Variants in TASP1 observed in about 807,000 individuals in gnomAD.
TASP1 encodes the protein threonine aspartase 1.
TASP1 carries 16 observed loss-of-function variants against 56.6 expected under a neutral mutation model. The observed-to-expected ratio is 0.28, with a 90% CI of 0.19 to 0.43. TASP1 has a LOEUF of 0.43. Ranked by LOEUF, TASP1 falls within the 20% of genes least tolerant of loss-of-function variation. The pLI is 1.00. For missense variants in TASP1, 393 were observed against 511.6 expected, an observed-to-expected ratio of 0.77 and a Z score of 2.24; for synonymous variants, 179 against 184.2, an observed-to-expected ratio of 0.97 and a Z score of 0.23.
downstream of TASP1, among the ~76,000 whole-genome samples, chr20:13,386,589 T>G (rs569882576): frequency 6.6e-6 from 1 of 152,250 alleles, no homozygotes; most frequent in Non-Finnish European, 1.5e-5. Context: ...CCTTCCTTCT[T>G]CCCTCCTTCC....
chr20:13,446,522 C>T (rs1330064125), intron 11 of TASP1, among the ~76,000 whole-genome samples: 3 of 151,974 alleles, frequency 2.0e-5, no homozygotes, highest in Admixed American at 6.6e-5. Context: ...CAAAATAATA[C>T]AAAATGAAAG....
intron 11 of TASP1, among the ~76,000 whole-genome samples, chr20:13,445,056 T>C (rs1369360122): frequency 6.6e-6 from 1 of 152,138 alleles, no homozygotes; most frequent in African/African-American, 2.4e-5. Context: ...AAATCCCTTA[T>C]CTAACAAAAT....
At chr20:13,459,291 A>G (rs966651252) in intron 11 of TASP1, among the ~76,000 whole-genome samples, 6 of 151,972 alleles carry the variant, frequency 3.9e-5, no homozygotes, top group African/African-American at 1.5e-4. Context: ...AATCTCACTA[A>G]CCACCCCTAA....
At chr20:13,203,948 C>G in the TASP1 span, among the ~76,000 whole-genome samples, 1 of 152,178 alleles carries the variant, frequency 6.6e-6, no homozygotes, top group African/African-American at 2.4e-5. Flanking sequence ...CTACAACAAA[C>G]TTGTGACTCT....
In TASP1 at chr20:13,389,661, G is replaced by A. The variant is rs960528034; in HGVS notation, c.*699C>T. The stretch of plus-strand genomic sequence containing the variant: ...TATAGTCCATACAGCTCGAAGCTAT[G>A]CAATATTTAAGCTTAGAAAAGCTTG... On this transcript the variant is annotated 3_prime_UTR_variant, in exon 14 of 14. Transcript: ENST00000337743. 2 of 152,640 alleles carry A rather than the reference G, an allele frequency of 1.3e-5. No individual in the cohort carries two copies. The highest frequency in any genetic ancestry group is 2.4e-5 in the African/African-American group (1 of 41,422). The allele number at this position is 152,640 out of a possible 1,614,324, so 9.5% of individuals were successfully genotyped here. A position where few individuals can be genotyped will look rare whatever the true frequency, so the allele number is the denominator to read the frequency against.
chr20:13,259,508 A>G, the TASP1 span, among the ~76,000 whole-genome samples: 1 of 152,212 alleles, frequency 6.6e-6, no homozygotes, highest in Admixed American at 6.5e-5. Flanking sequence ...GCACATGTCA[A>G]CTACTTAACT....
intron 13 of TASP1, among the ~76,000 whole-genome samples, chr20:13,407,064 T>TA (rs1325585964): frequency 1.3e-5 from 2 of 152,240 alleles, no homozygotes; most frequent in Non-Finnish European, 1.5e-5. Context: ...GAGTAAATTA[T>TA]ATCAATTAAC....
the TASP1 span, among the ~76,000 whole-genome samples, chr20:13,144,056 TTG>T: frequency 6.6e-6 from 1 of 152,142 alleles, no homozygotes; most frequent in African/African-American, 2.4e-5. Flanking sequence ...CATCAAAAAA[TTG>T]TGACTCTCAA....
the TASP1 span, among the ~76,000 whole-genome samples, chr20:13,197,038 G>T: frequency 6.6e-6 from 1 of 152,190 alleles, no homozygotes; most frequent in Non-Finnish European, 1.5e-5. Context: ...GGACTATAAG[G>T]TCTGTTTTCC....
At chr20:13,145,747 A>G in the TASP1 span, among the ~76,000 whole-genome samples, 1 of 152,224 alleles carries the variant, frequency 6.6e-6, no homozygotes, top group Admixed American at 6.5e-5. Flanking sequence ...CTATACTACA[A>G]GGCTACAGCA....
the TASP1 span, among the ~76,000 whole-genome samples, chr20:13,326,237 G>C: frequency 1.3e-5 from 2 of 152,152 alleles, no homozygotes; most frequent in East Asian, 3.8e-4. Context: ...TAAGTTGTTT[G>C]TAAGTTTTGG....
intron 7 of TASP1, among the ~76,000 whole-genome samples, chr20:13,566,796 T>C (rs970316683): frequency 6.6e-6 from 1 of 152,140 alleles, no homozygotes; most frequent in African/African-American, 2.4e-5. Context: ...CTGGTGAGGT[T>C]GCGGAGAAAA....
At chr20:13,526,331 T>C (rs2044976575) in intron 10 of TASP1, among the ~76,000 whole-genome samples, 1 of 152,080 alleles carries the variant, frequency 6.6e-6, no homozygotes, top group African/African-American at 2.4e-5. Context: ...CAAAGAAAAC[T>C]CTTATAATAC....
chr20:13,154,012 G>T, the TASP1 span: 29 of 1,613,920 alleles, frequency 1.8e-5, no homozygotes, highest in Non-Finnish European at 2.4e-5. Flanking sequence ...GGGCTGCAGA[G>T]AGTACAGCAA....
chr20:13,491,868 C>T (rs2043543909), intron 10 of TASP1, among the ~76,000 whole-genome samples: 1 of 151,990 alleles, frequency 6.6e-6, no homozygotes, highest in African/African-American at 2.4e-5. Flanking sequence ...TTTATGTGTC[C>T]AGTTATTAAT....
chr20:13,588,496 G>A (rs976413944), intron 4 of TASP1, among the ~76,000 whole-genome samples: 9 of 152,066 alleles, frequency 5.9e-5, no homozygotes, highest in South Asian at 4.1e-4. Flanking sequence ...TGAGATTAAT[G>A]TGCAAAAATC....
the TASP1 span, among the ~76,000 whole-genome samples, chr20:13,136,696 AAGTT>A: frequency 6.8e-6 from 1 of 147,566 alleles, no homozygotes; most frequent in Non-Finnish European, 1.5e-5. Flanking sequence ...ATATAAATAA[AAGTT>A]ATATATATTT....
the TASP1 span, among the ~76,000 whole-genome samples, chr20:13,335,454 T>C: frequency 6.6e-6 from 1 of 152,028 alleles, no homozygotes. Flanking sequence ...GATAACCCTA[T>C]GATGAAGTTT....
the TASP1 span, among the ~76,000 whole-genome samples, chr20:13,217,357 TA>T: frequency 6.6e-6 from 1 of 152,050 alleles, no homozygotes; most frequent in Non-Finnish European, 1.5e-5. Context: ...CTTTCCATAG[TA>T]AAAAAAATTA....
Sources: gnomAD v4.1 joint callset for allele counts (sites outside exome capture counted in the v4.1 genomes callset) on GRCh38, gnomAD v4.1.1 for gene constraint, MANE v1.5 for transcripts, NCBI Gene and HGNC (gene_info 2026-07-23, HGNC 2026-07-21) for gene names.